Variants in CNTNAP5 observed in about 807,000 individuals in gnomAD.
The protein encoded by CNTNAP5 is contactin-associated protein-like 5.
In CNTNAP5, 72 loss-of-function variants were observed where a neutral mutation model predicts 150.2. That is an observed-to-expected ratio of 0.48 (90% CI 0.40 to 0.58). The LOEUF is 0.58. Among genes scored for constraint, CNTNAP5 ranks in the 20% least tolerant of loss-of-function variants. The pLI is 0.00. For missense variants in CNTNAP5, 1,636 were observed against 1,626.2 expected, an observed-to-expected ratio of 1.01 and a Z score of -0.10; for synonymous variants, 672 against 619.8, an observed-to-expected ratio of 1.08 and a Z score of -1.25.
chr2:124,305,082 A>C (rs1360658124), intron 3 of CNTNAP5, among the ~76,000 whole-genome samples: 3 of 133,532 alleles, frequency 2.2e-5, no homozygotes, highest in Non-Finnish European at 3.1e-5. Flanking sequence ...CCTGGGCAAT[A>C]TGGTGAAACT....
intron 4 of CNTNAP5, among the ~76,000 whole-genome samples, chr2:124,417,929 C>T (rs1691967548): frequency 6.6e-6 from 1 of 152,186 alleles, no homozygotes; most frequent in African/African-American, 2.4e-5. Flanking sequence ...GTCTTCTCTG[C>T]CCTGCTTTCC....
At chr2:124,314,801 G>A (rs1269743456) in intron 3 of CNTNAP5, among the ~76,000 whole-genome samples, 1 of 152,032 alleles carries the variant, frequency 6.6e-6, no homozygotes, top group African/African-American at 2.4e-5. Context: ...CCTACTTTAC[G>A]AATGTATTTG....
intron 19 of CNTNAP5, among the ~76,000 whole-genome samples, chr2:124,812,010 T>A (rs1468675133): frequency 1.3e-3 from 110 of 84,574 alleles, no homozygotes; most frequent in Middle Eastern, 4.9e-3. Flanking sequence ...ATATAATATA[T>A]AATTTATATT....
At chr2:124,101,597 C>T (rs566900159) in intron 1 of CNTNAP5, among the ~76,000 whole-genome samples, 1 of 152,278 alleles carries the variant, frequency 6.6e-6, no homozygotes, top group South Asian at 2.1e-4. Flanking sequence ...TGACTTGGCC[C>T]AGAGGTAGGC....
intron 1 of CNTNAP5, among the ~76,000 whole-genome samples, chr2:124,121,900 G>A (rs997358882): frequency 2.0e-5 from 3 of 152,152 alleles, no homozygotes; most frequent in African/African-American, 7.2e-5. Context: ...AGAAGTGCCT[G>A]CTGTGAACTG....
At chr2:124,793,031 A>G (rs1681769358) in intron 18 of CNTNAP5, among the ~76,000 whole-genome samples, 1 of 152,318 alleles carries the variant, frequency 6.6e-6, no homozygotes, top group Non-Finnish European at 1.5e-5. Context: ...TATGTTGTCT[A>G]TCCTCTTGGA....
chr2:124,641,004 T>C (rs1484934869), intron 12 of CNTNAP5, among the ~76,000 whole-genome samples: 1 of 151,398 alleles, frequency 6.6e-6, no homozygotes, highest in East Asian at 2.0e-4. Context: ...CGCATGACTG[T>C]AATCCCAGCT....
At chr2:124,659,189 G>C (rs1678521903) in intron 13 of CNTNAP5, among the ~76,000 whole-genome samples, 1 of 152,206 alleles carries the variant, frequency 6.6e-6, no homozygotes, top group African/African-American at 2.4e-5. Flanking sequence ...GTTTACCTAA[G>C]TTGTTTTGAA....
At chr2:124,588,745 G>C (rs1157991194) in intron 11 of CNTNAP5, among the ~76,000 whole-genome samples, 3 of 152,112 alleles carry the variant, frequency 2.0e-5, no homozygotes, top group African/African-American at 7.2e-5. Flanking sequence ...TTTAGCAACT[G>C]TTGCTACGTT....
chr2:124,093,097 C>T lies in CNTNAP5; in HGVS notation c.82+67365C>T, dbSNP rs180886376. On this transcript the variant is annotated intron_variant, in intron 1 of 23. Transcript: ENST00000682447. ...CTCCAGGGGCTCTGTGTGAACAGTG[C>T]ACTATATAAAGCCATGTTCAGGTTT... is the stretch of plus-strand genomic sequence containing the variant. Among the ~76,000 whole-genome samples the T allele has an allele frequency of 2.0e-3, 300 of 152,260 alleles. 2 individuals are homozygous for T. Among genetic ancestry groups the T allele is most frequent in the African/African-American group, 6.9e-3 (288 of 41,554 alleles).
chr2:124,262,095 A>G (rs1347420430), intron 3 of CNTNAP5, among the ~76,000 whole-genome samples: 1 of 151,524 alleles, frequency 6.6e-6, no homozygotes, highest in African/African-American at 2.4e-5. Flanking sequence ...TTTTTTTTTA[A>G]TTATCCAGGC....
chr2:124,907,265 A>C (rs1050263878), intron 22 of CNTNAP5, among the ~76,000 whole-genome samples: 1 of 152,100 alleles, frequency 6.6e-6, no homozygotes, highest in African/African-American at 2.4e-5. Flanking sequence ...TTTCTGGTAC[A>C]GTGTAGCATA....
chr2:124,633,311 G>A (rs1484401212), intron 12 of CNTNAP5, among the ~76,000 whole-genome samples: 1 of 152,192 alleles, frequency 6.6e-6, no homozygotes, highest in Non-Finnish European at 1.5e-5. Context: ...AAGATACAAT[G>A]GGGTTATAGG....
At chr2:124,586,722 G>A (rs1696544758) in intron 11 of CNTNAP5, among the ~76,000 whole-genome samples, 1 of 152,128 alleles carries the variant, frequency 6.6e-6, no homozygotes, top group Admixed American at 6.5e-5. Flanking sequence ...TCTTTGCTAT[G>A]CATCAAGCTA....
chr2:124,648,954 T>TC (rs1678262962), intron 13 of CNTNAP5, among the ~76,000 whole-genome samples: 1 of 152,148 alleles, frequency 6.6e-6, no homozygotes, highest in East Asian at 1.9e-4. Flanking sequence ...CATAGAAACC[T>TC]AACTAAATTC....
chr2:124,162,209 A>C (rs1684698055), intron 1 of CNTNAP5, among the ~76,000 whole-genome samples: 1 of 152,208 alleles, frequency 6.6e-6, no homozygotes, highest in Non-Finnish European at 1.5e-5. Context: ...ATAAGTACTC[A>C]ATAAATGTTG....
intron 6 of CNTNAP5, among the ~76,000 whole-genome samples, chr2:124,453,180 TAAA>T (rs1183274823): frequency 1.3e-5 from 2 of 151,178 alleles, no homozygotes; most frequent in Non-Finnish European, 3.0e-5. Context: ...ATAGCACAAA[TAAA>T]AAACAATCAA....
At chr2:124,445,378 G>A (rs1325000584) in intron 5 of CNTNAP5, among the ~76,000 whole-genome samples, 7 of 152,206 alleles carry the variant, frequency 4.6e-5, no homozygotes, top group South Asian at 2.1e-4. Flanking sequence ...GATTACAGGC[G>A]TGAGCCACTG....
At chr2:124,905,632 T>C (rs981767788) in intron 22 of CNTNAP5, among the ~76,000 whole-genome samples, 9 of 152,168 alleles carry the variant, frequency 5.9e-5, no homozygotes, top group African/African-American at 2.2e-4. Context: ...AAGAAAAGTT[T>C]ATTTCTTACA....
Sources: gnomAD v4.1 joint callset for allele counts (sites outside exome capture counted in the v4.1 genomes callset) on GRCh38, gnomAD v4.1.1 for gene constraint, MANE v1.5 for transcripts, NCBI Gene and HGNC (gene_info 2026-07-23, HGNC 2026-07-21) for gene names.